SPTBN1: variants seen among roughly 807,000 people sequenced by gnomAD.
SPTBN1 encodes the protein spectrin beta chain, non-erythrocytic 1.
In SPTBN1, 32 loss-of-function variants were observed where a neutral mutation model predicts 266.4. The observed-to-expected ratio is 0.12, with a 90% CI of 0.09 to 0.16. The LOEUF (loss-of-function observed/expected upper bound fraction) is 0.16. SPTBN1 is among the 10% of genes least tolerant of loss of function. The pLI is 1.00. For synonymous variants in SPTBN1, 1,336 were observed against 1,162.2 expected (o/e 1.15, Z -3.04); for missense variants, 2,296 against 3,067.1 (o/e 0.75, Z 5.94).
At chr2:54,566,402 G>C (rs1673666556) in intron 2 of SPTBN1, among the ~76,000 whole-genome samples, 1 of 151,944 alleles carries the variant, frequency 6.6e-6, no homozygotes, top group Admixed American at 6.6e-5. Context: ...TGGCCAGGCT[G>C]ATCTCCAACT....
intron 1 of SPTBN1, among the ~76,000 whole-genome samples, chr2:54,480,572 T>C (rs1421964040): frequency 1.3e-5 from 2 of 152,246 alleles, no homozygotes; most frequent in Non-Finnish European, 2.9e-5. Flanking sequence ...TTTATTCTAT[T>C]CAGTATAACC....
In SPTBN1 at chr2:54,645,466, C is replaced by T. The variant is rs371679630; in HGVS notation, c.4494+13C>T. ...GGAGGACGAGATCGTGAGTCGACCCCTACTGCACACATGGCTTTTCCACGA... is the reference window on the plus strand; with the variant it reads ...GGAGGACGAGATCGTGAGTCGACCCTTACTGCACACATGGCTTTTCCACGA... On this transcript the variant is annotated intron_variant, in intron 21 of 35. Transcript: ENST00000356805. The surrounding 1 kb of genome is among the most constrained non-coding windows in gnomAD (Gnocchi z 4.3). 47 of 1,612,530 alleles carry T rather than the reference C, an allele frequency of 2.9e-5. No individual in the cohort carries two copies. In the African/African-American group the frequency reaches 5.7e-4, roughly 20 times the overall value.
At chr2:54,534,863 C>T (rs1671507317) in intron 2 of SPTBN1, among the ~76,000 whole-genome samples, 1 of 152,206 alleles carries the variant, frequency 6.6e-6, no homozygotes, top group South Asian at 2.1e-4. Context: ...CTTCCTGGCC[C>T]AGCCCCTATT....
At chr2:54,488,737 AT>A (rs1431161512) in intron 1 of SPTBN1, among the ~76,000 whole-genome samples, 3 of 152,068 alleles carry the variant, frequency 2.0e-5, no homozygotes, top group African/African-American at 7.2e-5. Context: ...CAGATGGTAC[AT>A]TTTGTGTAGG....
At chr2:54,599,271 G>T (rs900867181) in intron 3 of SPTBN1, 28 bp downstream of exon 3, 1 of 1,602,320 alleles carries the variant, frequency 6.2e-7, no homozygotes, top group African/African-American at 1.3e-5. Context: ...GAAGTGCCGT[G>T]TGTTGTAGGT....
chr2:54,647,360 G>C (rs908177485), intron 24 of SPTBN1, 99 bp downstream of exon 24: 3 of 1,505,018 alleles, frequency 2.0e-6, no homozygotes, highest in Middle Eastern at 2.3e-4. Context: ...CATTCATCAT[G>C]ACTTGCTGGT....
chr2:54,516,785 G>C (rs977504423), intron 1 of SPTBN1, among the ~76,000 whole-genome samples: 5 of 152,156 alleles, frequency 3.3e-5, no homozygotes, highest in African/African-American at 1.2e-4. Context: ...AGCCTCAGGA[G>C]GTCCTGATAA....
At chr2:54,596,224 C>G (rs1276538116) in intron 2 of SPTBN1, among the ~76,000 whole-genome samples, 1 of 152,176 alleles carries the variant, frequency 6.6e-6, no homozygotes, top group Non-Finnish European at 1.5e-5. Context: ...CCCATATCCC[C>G]AAGCCTTGCT....
At position 54,646,139 on chromosome 2, in the gene SPTBN1, G is replaced by A; in HGVS notation, c.4585-55G>A. 6.3e-7 allele frequency: 1 copy of A among 1,592,862 alleles called. No homozygotes were observed. Among genetic ancestry groups the A allele is most frequent in the Admixed American group, 1.7e-5 (1 of 57,644 alleles). On this transcript the variant is annotated intron_variant, in intron 22 of 35. Coordinates refer to ENST00000356805, the MANE Select transcript of SPTBN1 (RefSeq NM_003128.3). The surrounding 1 kb of genome is among the most constrained non-coding windows in gnomAD (Gnocchi z 4.4). ...TTCTGGCCCTAACAGCTTGACATAA[G>A]CAGCAGACGGCTGCCATTTAGCAAG... is the stretch of plus-strand genomic sequence containing the variant.
At position 54,554,308 on chromosome 2, in the gene SPTBN1, T is replaced by C. The variant is rs1672740328; in HGVS notation, c.148+27742T>C. On this transcript the variant is annotated intron_variant, in intron 2 of 35. Coordinates refer to ENST00000356805, the MANE Select transcript of SPTBN1 (RefSeq NM_003128.3). This position sits in a 1 kb window ranked among gnomAD's most constrained non-coding sequence, Gnocchi z 4.5. ...TGTGTTGGTTGTGCCACTCACCAGC[T>C]GGGGCCCTGGGCAAGGCACTGTATT... Among the ~76,000 whole-genome samples, 1 of 152,194 alleles carries C rather than the reference T, an allele frequency of 6.6e-6. No individual in the cohort carries two copies. Among genetic ancestry groups the C allele is most frequent in the African/African-American group, 2.4e-5 (1 of 41,444 alleles).
In SPTBN1 at chr2:54,467,923, G is replaced by A. The variant is rs1175638502; in HGVS notation, c.-48+11405G>A. On this transcript the variant is annotated intron_variant, in intron 1 of 35. Coordinates refer to ENST00000356805, the MANE Select transcript of SPTBN1 (RefSeq NM_003128.3). ...TCTTTTTATTACTGAAATAATAGAT[G>A]TTTTAGATCATATGGAAACTAAAGA... 2.6e-5 allele frequency among the ~76,000 whole-genome samples: 4 copies of A among 152,138 alleles called. No individual in the cohort carries two copies. The South Asian group carries it at 6.3e-4, about 24-fold the overall frequency.
Position 54,498,010 on chromosome 2 carries a change from A to G in SPTBN1, c.-47-28362A>G, listed in dbSNP as rs141468312. Among the ~76,000 whole-genome samples the G allele has an allele frequency of 8.5e-5, 13 of 152,362 alleles. No homozygotes were observed. In the East Asian group the frequency reaches 2.3e-3, roughly 27 times the overall value. On this transcript the variant is annotated intron_variant, in intron 1 of 35. Coordinates refer to ENST00000356805, the MANE Select transcript of SPTBN1 (RefSeq NM_003128.3). ...GTTGGCATTCTTGTTGAGGAAGTCC[A>G]TCAAGAATCAAGTTCCTGTCAACTT...
chr2:54,615,294 G>T (rs1443691484), intron 4 of SPTBN1, among the ~76,000 whole-genome samples: 1 of 152,146 alleles, frequency 6.6e-6, no homozygotes, highest in African/African-American at 2.4e-5. Flanking sequence ...GAAGGTAGTG[G>T]GGAGCATGAC....
chr2:54,605,263 G>A (rs1676764686), intron 3 of SPTBN1, among the ~76,000 whole-genome samples: 2 of 152,162 alleles, frequency 1.3e-5, no homozygotes, highest in Non-Finnish European at 2.9e-5. Context: ...TGGGAACCGA[G>A]TCCCTCACTT....
intron 1 of SPTBN1, among the ~76,000 whole-genome samples, chr2:54,508,336 G>A (rs1669681758): frequency 6.6e-6 from 1 of 152,300 alleles, no homozygotes; most frequent in South Asian, 2.1e-4. Flanking sequence ...CCTGACTCGA[G>A]GCATGTGAGT....
At chr2:54,665,364 G>A (rs1002284088) in intron 33 of SPTBN1, among the ~76,000 whole-genome samples, 1 of 152,206 alleles carries the variant, frequency 6.6e-6, no homozygotes, top group Non-Finnish European at 1.5e-5. Context: ...ATACAGGCCG[G>A]TGTTCTGTTA....
rs1677149372 is a variant in SPTBN1, at chr2:54,610,621, T to G, written c.301-1540T>G. ...ATATTTCACAAAAAAGTGCAAGGTC[T>G]TTGCATCTGCTGGTGTAGCTTCAGG... On this transcript the variant is annotated intron_variant, in intron 3 of 35. Transcript: ENST00000356805. Among the ~76,000 whole-genome samples the G allele has an allele frequency of 3.3e-5, 5 of 152,212 alleles. No individual in the cohort carries two copies. The South Asian group carries it at 1.0e-3, about 31-fold the overall frequency.
At chr2:54,584,991 C>G (rs536781664) in intron 2 of SPTBN1, among the ~76,000 whole-genome samples, 2 of 152,256 alleles carry the variant, frequency 1.3e-5, no homozygotes, top group African/African-American at 2.4e-5. Flanking sequence ...TTATAAAGAT[C>G]TGTATTCCGT....
At chr2:54,457,022 C>T (rs1216229983) in intron 1 of SPTBN1, among the ~76,000 whole-genome samples, 1 of 151,850 alleles carries the variant, frequency 6.6e-6, no homozygotes, top group Admixed American at 6.6e-5. Flanking sequence ...CAGGGCCGGG[C>T]TCTGCGCGTA....
Sources: allele counts gnomAD v4.1 joint callset (sites outside exome capture counted in the v4.1 genomes callset), GRCh38; gene constraint gnomAD v4.1.1; non-coding constraint Gnocchi (gnomAD v3.1); transcripts MANE v1.5; gene names NCBI Gene and HGNC (gene_info 2026-07-23, HGNC 2026-07-21).